Variants in KCNQ1OT1 observed in about 807,000 individuals in gnomAD.
KCNQ1OT1 encodes the protein KCNQ1 opposite strand/antisense transcript 1.
exon 1 of KCNQ1OT1, chr11:2,629,728 T>C (rs1849322278): frequency 2.5e-6 from 1 of 398,412 alleles, no homozygotes; most frequent in African/African-American, 2.1e-5. Context: ...TCAGGTTGTT[T>C]ATTATTAGTG....
chr11:2,634,127 T>C (rs1849410205), exon 1 of KCNQ1OT1: 1 of 356,430 alleles, frequency 2.8e-6, no homozygotes, highest in Non-Finnish European at 4.7e-6. Context: ...GTGAAGATTG[T>C]CTTTGGTATT....
In KCNQ1OT1 at chr11:2,663,529, CAGAG is replaced by C. The variant is rs1850007577; in HGVS notation, n.36462_36465del. On this transcript the variant is annotated non_coding_transcript_exon_variant, in exon 1 of 1. Transcript: ENST00000597346. This position sits in a 1 kb window ranked among gnomAD's most constrained non-coding sequence, Gnocchi z 5.2. ...CTGTATTGCCTCTTGGCTGTCCCCT[CAGAG>C]AGGGGACTGTCCCTTCTCATCCTTC... 7 of 398,558 alleles carry C rather than the reference CAGAG, an allele frequency of 1.8e-5. No homozygotes were observed. The highest frequency in any genetic ancestry group is 6.2e-4 in the Middle Eastern group (1 of 1,614). 24.7% of individuals were successfully genotyped at this position (398,558 alleles called of 1,614,324 possible). A position where few individuals can be genotyped will look rare whatever the true frequency, so the allele number is the denominator to read the frequency against.
rs1418060189 is a variant in KCNQ1OT1 at position 2,623,814 on chromosome 11, A to G, written n.76181T>C. ...GATGTGATTGCTGAACTGCATGGTAAGAATATGTTTAATTTTATAAGAAAC... is the reference window on the plus strand; with the variant it reads ...GATGTGATTGCTGAACTGCATGGTAGGAATATGTTTAATTTTATAAGAAAC... On this transcript the variant is annotated non_coding_transcript_exon_variant, in exon 1 of 1. Transcript: ENST00000597346. The surrounding 1 kb of genome is among the most constrained non-coding windows in gnomAD (Gnocchi z 5.2). The G allele has an allele frequency of 2.5e-6, 1 of 398,478 alleles. No individual in the cohort carries two copies. The highest frequency in any genetic ancestry group is 4.4e-5 in the Admixed American group (1 of 22,714). The allele number at this position is 398,478 out of a possible 1,614,324, so 24.7% of individuals were successfully genotyped here. A position where few individuals can be genotyped will look rare whatever the true frequency, so the allele number is the denominator to read the frequency against.
Position 2,613,328 on chromosome 11 carries a change from T to G in KCNQ1OT1, n.86667A>C, listed in dbSNP as rs964612314. The G allele has an allele frequency of 2.5e-6, 1 of 398,490 alleles. No individual in the cohort carries two copies. Among genetic ancestry groups the G allele is most frequent in the African/African-American group, 2.1e-5 (1 of 48,632 alleles). 24.7% of individuals were successfully genotyped at this position (398,490 alleles called of 1,614,324 possible). A position where few individuals can be genotyped will look rare whatever the true frequency, so the allele number is the denominator to read the frequency against. On this transcript the variant is annotated non_coding_transcript_exon_variant, in exon 1 of 1. Transcript: ENST00000597346. The surrounding 1 kb of genome is among the most constrained non-coding windows in gnomAD (Gnocchi z 4.8). ...CCAGAATTCCTTTTAAAATTTTTCT[T>G]AATCTGTCGCTTGCCCAACCAGTAT...
rs1489847695 is a variant in KCNQ1OT1 at position 2,695,804 on chromosome 11, C to T, written n.4191G>A. Reference sequence around the variant, plus strand: ...CTAATGCTTCTCCTATGAAGAATAGCTGTTGCTTTCATTTACATTTCTCTG... The same window carrying T: ...CTAATGCTTCTCCTATGAAGAATAGTTGTTGCTTTCATTTACATTTCTCTG... On this transcript the variant is annotated non_coding_transcript_exon_variant, in exon 1 of 1. Transcript: ENST00000597346. The surrounding 1 kb of genome is among the most constrained non-coding windows in gnomAD (Gnocchi z 5.2). 1 of 398,528 alleles carries T rather than the reference C, an allele frequency of 2.5e-6. No homozygotes were observed. Among genetic ancestry groups the T allele is most frequent in the Non-Finnish European group, 4.4e-6 (1 of 226,082 alleles). The allele number at this position is 398,528 out of a possible 1,614,324, so 24.7% of individuals were successfully genotyped here. A position where few individuals can be genotyped will look rare whatever the true frequency, so the allele number is the denominator to read the frequency against.
exon 1 of KCNQ1OT1, chr11:2,681,495 G>T: frequency 2.5e-6 from 1 of 398,508 alleles, no homozygotes; most frequent in Non-Finnish European, 4.4e-6. Flanking sequence ...ATGGGACTTA[G>T]TAAAGTCAAA....
At chr11:2,689,166 C>G in exon 1 of KCNQ1OT1, 1 of 398,762 alleles carries the variant, frequency 2.5e-6, no homozygotes, top group East Asian at 3.6e-5. Flanking sequence ...GCTCAAGGGC[C>G]TGCTCCTCCT....
chr11:2,677,875 C>G lies in KCNQ1OT1; in HGVS notation n.22120G>C, dbSNP rs182169333. ...TTACATCACTTTGACTGCACAAATG[C>G]ACTTTCTTCCCCCACCCTTACCAAG... is the stretch of plus-strand genomic sequence containing the variant. On this transcript the variant is annotated non_coding_transcript_exon_variant, in exon 1 of 1. Transcript: ENST00000597346. This position sits in a 1 kb window ranked among gnomAD's most constrained non-coding sequence, Gnocchi z 4.5. 2.5e-6 allele frequency: 1 copy of G among 398,522 alleles called. No homozygotes were observed. The highest frequency in any genetic ancestry group is 3.6e-5 in the East Asian group (1 of 28,054). The allele number at this position is 398,522 out of a possible 1,614,324, so 24.7% of individuals were successfully genotyped here.
In KCNQ1OT1 at chr11:2,664,739, AG is replaced by A; in HGVS notation, n.35255del. On this transcript the variant is annotated non_coding_transcript_exon_variant, in exon 1 of 1. Transcript: ENST00000597346. The surrounding 1 kb of genome is among the most constrained non-coding windows in gnomAD (Gnocchi z 5.1). ...ACACGCCCTGGTGTGTGTGAGGGAC[AG>A]GGATGTGTGCTGGGGTCTCACAGGG... The A allele has an allele frequency of 2.5e-6, 1 of 398,770 alleles. No individual in the cohort carries two copies. The highest frequency in any genetic ancestry group is 3.6e-5 in the East Asian group (1 of 28,088). The allele number at this position is 398,770 out of a possible 1,614,324, so 24.7% of individuals were successfully genotyped here.
chr11:2,664,712 G>T lies in KCNQ1OT1; in HGVS notation n.35283C>A, dbSNP rs553777471. On this transcript the variant is annotated non_coding_transcript_exon_variant, in exon 1 of 1. Coordinates refer to ENST00000597346, the Ensembl canonical transcript of KCNQ1OT1. This position sits in a 1 kb window ranked among gnomAD's most constrained non-coding sequence, Gnocchi z 5.1. The stretch of plus-strand genomic sequence containing the variant: ...CATGGACCCTGAACTGGGAAGAGAG[G>T]CACACGCCCTGGTGTGTGTGAGGGA... 2.1e-3 allele frequency: 838 copies of T among 398,728 alleles called. 8 individuals are homozygous for T. The highest frequency in any genetic ancestry group is 2.7e-3 in the Non-Finnish European group (616 of 226,158). The allele number at this position is 398,728 out of a possible 1,614,324, so 24.7% of individuals were successfully genotyped here. A position where few individuals can be genotyped will look rare whatever the true frequency, so the allele number is the denominator to read the frequency against.
rs1176921276 is a variant in KCNQ1OT1 at position 2,679,467 on chromosome 11, T to C, written n.20528A>G. The C allele has an allele frequency of 5.0e-6, 2 of 398,642 alleles. No homozygotes were observed. The highest frequency in any genetic ancestry group is 8.8e-6 in the Non-Finnish European group (2 of 226,074). The allele number at this position is 398,642 out of a possible 1,614,324, so 24.7% of individuals were successfully genotyped here. On this transcript the variant is annotated non_coding_transcript_exon_variant, in exon 1 of 1. Transcript: ENST00000597346. This position sits in a 1 kb window ranked among gnomAD's most constrained non-coding sequence, Gnocchi z 4.8. ...TTACACAAATTAATAATATAAAGTA[T>C]GCAGAAAAGTGCCTGTCCTATAGTA...
chr11:2,660,515 G>A (rs1564848503), exon 1 of KCNQ1OT1: 2 of 398,484 alleles, frequency 5.0e-6, no homozygotes, highest in South Asian at 1.3e-4. Flanking sequence ...AGGAGTTAAT[G>A]TCTGTAATGT....
chr11:2,609,195 G>A, exon 1 of KCNQ1OT1: 4 of 398,150 alleles, frequency 1.0e-5, no homozygotes, highest in Admixed American at 4.4e-5. Flanking sequence ...TGCTTTAAAT[G>A]TATCCCATAA....
exon 1 of KCNQ1OT1, chr11:2,660,803 A>G: frequency 2.5e-6 from 1 of 398,620 alleles, no homozygotes; most frequent in Non-Finnish European, 4.4e-6. Context: ...ATCTAGCAAC[A>G]TTTATTAAAA....
exon 1 of KCNQ1OT1, chr11:2,662,019 C>T: frequency 6.2e-7 from 1 of 1,614,216 alleles, no homozygotes; most frequent in African/African-American, 1.3e-5. Context: ...GAACCAACAG[C>T]TTCGCCGAGG....
At position 2,673,008 on chromosome 11, in the gene KCNQ1OT1, A is replaced by G. The variant is rs767965954; in HGVS notation, n.26987T>C. ...GCCTAAAGGAGAAGCCAGTGAATCA[A>G]TGTGTTACTTGAACAAATATAGGGT... On this transcript the variant is annotated non_coding_transcript_exon_variant, in exon 1 of 1. Coordinates refer to ENST00000597346, the Ensembl canonical transcript of KCNQ1OT1. The surrounding 1 kb of genome is among the most constrained non-coding windows in gnomAD (Gnocchi z 4.5). 3.0e-5 allele frequency: 12 copies of G among 398,582 alleles called. No homozygotes were observed. The highest frequency in any genetic ancestry group is 6.2e-4 in the Middle Eastern group (1 of 1,610). 24.7% of individuals were successfully genotyped at this position (398,582 alleles called of 1,614,324 possible). A position where few individuals can be genotyped will look rare whatever the true frequency, so the allele number is the denominator to read the frequency against.
chr11:2,676,345 C>T lies in KCNQ1OT1; in HGVS notation n.23650G>A. 2.5e-6 allele frequency: 1 copy of T among 398,596 alleles called. No homozygotes were observed. Among genetic ancestry groups the T allele is most frequent in the Non-Finnish European group, 4.4e-6 (1 of 226,074 alleles). 24.7% of individuals were successfully genotyped at this position (398,596 alleles called of 1,614,324 possible). A position where few individuals can be genotyped will look rare whatever the true frequency, so the allele number is the denominator to read the frequency against. On this transcript the variant is annotated non_coding_transcript_exon_variant, in exon 1 of 1. Transcript: ENST00000597346. This position sits in a 1 kb window ranked among gnomAD's most constrained non-coding sequence, Gnocchi z 4.2. ...AACAGTGTAGTTGAAGTGCTGTTTT[C>T]TCATGGTTGGGCTTCCAGTATAATT... is the stretch of plus-strand genomic sequence containing the variant.
Position 2,645,928 on chromosome 11 carries a change from TC to T in KCNQ1OT1, n.54066del. On this transcript the variant is annotated non_coding_transcript_exon_variant, in exon 1 of 1. Coordinates refer to ENST00000597346, the Ensembl canonical transcript of KCNQ1OT1. This position sits in a 1 kb window ranked among gnomAD's most constrained non-coding sequence, Gnocchi z 5.8. ...GCCATTTCACAGTCTGTAGGTAGCC[TC>T]TTGTTAGTCTCAAGGCATCTATGGG... The T allele has an allele frequency of 5.0e-6, 2 of 398,608 alleles. No individual in the cohort carries two copies. Among genetic ancestry groups the T allele is most frequent in the East Asian group, 7.1e-5 (2 of 28,068 alleles). 24.7% of individuals were successfully genotyped at this position (398,608 alleles called of 1,614,324 possible).
rs763320080 is a variant in KCNQ1OT1, at chr11:2,631,632, T to A, written n.68363A>T. 6.3e-5 allele frequency: 25 copies of A among 398,504 alleles called. No individual in the cohort carries two copies. In the East Asian group the frequency reaches 8.2e-4, roughly 13 times the overall value. The allele number at this position is 398,504 out of a possible 1,614,324, so 24.7% of individuals were successfully genotyped here. A position where few individuals can be genotyped will look rare whatever the true frequency, so the allele number is the denominator to read the frequency against. ...GTATTTCTCAGGTGGGTGCTATGTTTCCTTGGTTTTTCTGTTTCTTGTTAC... is the reference window on the plus strand; with the variant it reads ...GTATTTCTCAGGTGGGTGCTATGTTACCTTGGTTTTTCTGTTTCTTGTTAC... On this transcript the variant is annotated non_coding_transcript_exon_variant, in exon 1 of 1. Coordinates refer to ENST00000597346, the Ensembl canonical transcript of KCNQ1OT1.
Sources: gnomAD v4.1 joint callset for allele counts on GRCh38, gnomAD v4.1.1 for gene constraint, Gnocchi (gnomAD v3.1) non-coding constraint, MANE v1.5 for transcripts, NCBI Gene and HGNC (gene_info 2026-07-23, HGNC 2026-07-21) for gene names.